Variants in ZNF69 observed in about 807,000 individuals in gnomAD.
The protein encoded by ZNF69 is zinc finger protein 69.
A neutral mutation model predicts 50.9 loss-of-function variants in ZNF69; 47 were observed. The observed-to-expected ratio is 0.92, with a 90% CI of 0.73 to 1.18. ZNF69 has a LOEUF of 1.18. Among genes scored for constraint, ZNF69 ranks in the 50% most tolerant of loss-of-function variants. The pLI, the probability that ZNF69 is intolerant of heterozygous loss-of-function variation, is 0.00. For synonymous variants in ZNF69, 216 were observed against 223.1 expected, an observed-to-expected ratio of 0.97 and a Z score of 0.29; for missense variants, 717 against 675.1, an observed-to-expected ratio of 1.06 and a Z score of -0.69.
At chr19:11,963,845 C>A in the ZNF69 span, among the ~76,000 whole-genome samples, 2 of 152,218 alleles carry the variant, frequency 1.3e-5, no homozygotes, top group African/African-American at 2.4e-5. Context: ...CAGCTCTCCA[C>A]CCTCTCTCCA....
chr19:11,944,606 G>A, the ZNF69 span, among the ~76,000 whole-genome samples: 2 of 152,160 alleles, frequency 1.3e-5, no homozygotes, highest in African/African-American at 2.4e-5. Flanking sequence ...CTCAGTTCGC[G>A]TTGGATAAGC....
chr19:11,905,073 G>A lies in ZNF69; in HGVS notation c.676G>A (p.Gly226Arg), dbSNP rs764996633. ...TGGACCTTATAAATGTAAATTTTGTGGGAAAGCCTTCCATTGTCTCAGTTT... is the reference window on the plus strand; with the variant it reads ...TGGACCTTATAAATGTAAATTTTGTAGGAAAGCCTTCCATTGTCTCAGTTT... The part of the protein sequence containing the change: ...GDGPYKCKFC[G>R]KAFHCLSLYL... Residue 226 changes from glycine to arginine, a missense_variant, in exon 4 of 4, where the codon GGG becomes AGG. By Grantham distance (125) the Gly-to-Arg change is moderately radical. Coordinates refer to ENST00000429654, the MANE Select transcript of ZNF69 (RefSeq NM_001364730.1). 6.2e-7 allele frequency: 1 copy of A among 1,614,088 alleles called. No individual in the cohort carries two copies.
chr19:11,904,086 G>A (rs1972309122), intron 3 of ZNF69, 121 bp downstream of exon 3: 5 of 1,302,010 alleles, frequency 3.8e-6, no homozygotes, highest in South Asian at 2.9e-5. Context: ...TAGAATATTT[G>A]ATCAAAAAAC....
chr19:11,976,955 A>G, the ZNF69 span: 8 of 1,580,722 alleles, frequency 5.1e-6, no homozygotes, highest in Non-Finnish European at 6.8e-6. Flanking sequence ...TTTGGAGTCC[A>G]CGGCAACTTC....
chr19:11,929,843 AT>A, the ZNF69 span, among the ~76,000 whole-genome samples: 1 of 148,166 alleles, frequency 6.7e-6, no homozygotes, highest in Non-Finnish European at 1.5e-5. Context: ...ACCACTAGAC[AT>A]TTGCCTGAAA....
At chr19:11,975,601 GTCGA>G in the ZNF69 span, among the ~76,000 whole-genome samples, 92 of 150,736 alleles carry the variant, frequency 6.1e-4, 1 homozygote, top group Non-Finnish European at 3.4e-4. Context: ...GTTTCACTGT[GTCGA>G]TCTCCTGACC....
rs1447957448 is a variant in ZNF69, at chr19:11,904,919, A to G, written c.522A>G (p.Arg174=). The change falls in exon 4 of 4, where the codon AGA becomes AGG. Residue 174 remains arginine (R), a synonymous_variant. Transcript: ENST00000429654. ...CKCQQPKKAF[R]YHPSFRTPQR... is the part of the protein sequence containing the mutation. ...GTCAACAACCTAAAAAAGCCTTCAG[A>G]TATCACCCCTCCTTTAGAACACCAC... 1 of 1,614,226 alleles carries G rather than the reference A, an allele frequency of 6.2e-7. No homozygotes were observed. Among genetic ancestry groups the G allele is most frequent in the Non-Finnish European group, 8.5e-7 (1 of 1,180,042 alleles).
the ZNF69 span, chr19:11,948,434 G>A: frequency 6.2e-7 from 1 of 1,614,092 alleles, no homozygotes; most frequent in Non-Finnish European, 8.5e-7. Context: ...GTTGGCATAG[G>A]TAACTCATCT....
At chr19:11,938,550 C>T in the ZNF69 span, among the ~76,000 whole-genome samples, 1 of 152,160 alleles carries the variant, frequency 6.6e-6, no homozygotes, top group Non-Finnish European at 1.5e-5. Context: ...CATGTCCCTA[C>T]AAAGGACATG....
Position 11,903,924 on chromosome 19 carries a change from G to A in ZNF69, c.210G>A (p.Gln70=), listed in dbSNP as rs141687609. ...LTSVGKSWKD[Q]NIEYEYQNPR... ...TTTTAGGAAAAAGTTGGAAAGACCA[G>A]AACATTGAATATGAGTACCAAAACC... Residue 70 remains glutamine, a synonymous_variant, in exon 3 of 4, where the codon CAG becomes CAA. Transcript: ENST00000429654. 2.2e-3 allele frequency: 3,620 copies of A among 1,613,882 alleles called. 81 individuals are homozygous for A. The African/African-American group carries it at 0.043, about 19-fold the overall frequency.
chr19:11,970,289 C>G, the ZNF69 span, among the ~76,000 whole-genome samples: 2 of 152,206 alleles, frequency 1.3e-5, no homozygotes, highest in Non-Finnish European at 2.9e-5. Context: ...ATGTATTTAG[C>G]TGTCCCACAG....
At chr19:11,894,665 C>T (rs1213618870) in intron 1 of ZNF69, among the ~76,000 whole-genome samples, 1 of 152,104 alleles carries the variant, frequency 6.6e-6, no homozygotes, top group East Asian at 1.9e-4. Context: ...AATGGGGACT[C>T]CCAAGAGAGC....
the ZNF69 span, chr19:11,947,446 A>T: frequency 5.0e-6 from 8 of 1,601,238 alleles, no homozygotes; most frequent in Non-Finnish European, 6.8e-6. Context: ...AATCATGGGC[A>T]CAGAATCTAA....
the ZNF69 span, among the ~76,000 whole-genome samples, chr19:11,930,181 C>G: frequency 6.7e-6 from 1 of 148,440 alleles, no homozygotes; most frequent in Non-Finnish European, 1.5e-5. Flanking sequence ...CTTCTCTCTC[C>G]TAACTTCAGT....
intron 1 of ZNF69, 27 bp from the exon 2 acceptor site, chr19:11,903,546 C>T: frequency 3.1e-6 from 5 of 1,612,566 alleles, no homozygotes; most frequent in East Asian, 2.2e-5. Context: ...CTCACCCATC[C>T]TCCTCTACAC....
At chr19:11,923,646 C>T in the ZNF69 span, among the ~76,000 whole-genome samples, 1 of 152,242 alleles carries the variant, frequency 6.6e-6, no homozygotes, top group Non-Finnish European at 1.5e-5. Context: ...CCACCGCGAT[C>T]TGGAAGTCTT....
At chr19:11,924,445 A>G in the ZNF69 span, among the ~76,000 whole-genome samples, 1 of 151,896 alleles carries the variant, frequency 6.6e-6, no homozygotes, top group Admixed American at 6.6e-5. Flanking sequence ...AAAAAAAAAA[A>G]AAAAAGAAAG....
intron 1 of ZNF69, among the ~76,000 whole-genome samples, chr19:11,893,340 G>T (rs950137696): frequency 4.6e-5 from 7 of 152,112 alleles, no homozygotes; most frequent in African/African-American, 1.4e-4. Context: ...ACAATCTCCA[G>T]GGAGACTGTT....
the ZNF69 span, among the ~76,000 whole-genome samples, chr19:11,967,858 C>A: frequency 1.3e-5 from 2 of 152,324 alleles, no homozygotes; most frequent in Admixed American, 1.3e-4. Context: ...GCTGTGCCTA[C>A]GTGCATGTGG....
Sources: allele counts gnomAD v4.1 joint callset (sites outside exome capture counted in the v4.1 genomes callset), GRCh38; gene constraint gnomAD v4.1.1; transcripts MANE v1.5; gene names NCBI Gene and HGNC (gene_info 2026-07-23, HGNC 2026-07-21).